The following TENM3 variants were observed in gnomAD, a reference collection of about 807,000 sequenced individuals.
TENM3 encodes the protein teneurin transmembrane protein 3.
Under a neutral mutation model 255.1 loss-of-function variants are expected in TENM3, and 63 were observed. The observed-to-expected ratio is 0.25, with a 90% CI of 0.20 to 0.30. The LOEUF is 0.30. Among genes scored for constraint, TENM3 ranks in the 10% least tolerant of loss-of-function variants. The pLI is 1.00. For missense variants in TENM3, 2,929 were observed against 3,461.1 expected (o/e 0.85, Z 3.86); for synonymous variants, 1,306 against 1,322.3 (o/e 0.99, Z 0.27).
chr4:181,514,810 C>T, the TENM3 span, among the ~76,000 whole-genome samples: 3 of 152,242 alleles, frequency 2.0e-5, no homozygotes, highest in Admixed American at 1.3e-4. Context: ...AAACCTGAGG[C>T]GTGGTAGCCA....
intron 3 of TENM3, among the ~76,000 whole-genome samples, chr4:182,538,753 A>G (rs1018717393): frequency 6.6e-6 from 1 of 152,176 alleles, no homozygotes; most frequent in African/African-American, 2.4e-5. Flanking sequence ...GAATACTAAT[A>G]TAGTATGGAT....
intron 4 of TENM3, among the ~76,000 whole-genome samples, chr4:182,609,404 C>A (rs760788117): frequency 5.3e-5 from 8 of 152,168 alleles, no homozygotes; most frequent in Non-Finnish European, 1.0e-4. Context: ...TTCTTCTCCA[C>A]TAATTTCAAA....
chr4:181,931,236 C>T, the TENM3 span, among the ~76,000 whole-genome samples: 1 of 152,158 alleles, frequency 6.6e-6, no homozygotes, highest in South Asian at 2.1e-4. Flanking sequence ...TTTCTGTTTG[C>T]AGATGACATA....
At chr4:181,773,974 T>C in the TENM3 span, among the ~76,000 whole-genome samples, 39 of 151,100 alleles carry the variant, frequency 2.6e-4, no homozygotes, top group Non-Finnish European at 2.8e-4. Flanking sequence ...ACTTGTTAAT[T>C]TGATTATCAG....
At chr4:181,762,924 A>AG in the TENM3 span, among the ~76,000 whole-genome samples, 3 of 151,950 alleles carry the variant, frequency 2.0e-5, no homozygotes, top group Non-Finnish European at 4.4e-5. Flanking sequence ...GTAGTAAAAA[A>AG]AAAACGAGAT....
At chr4:182,113,065 T>C in the TENM3 span, among the ~76,000 whole-genome samples, 2,512 of 152,316 alleles carry the variant, frequency 0.016, 60 homozygotes, top group East Asian at 0.052. Flanking sequence ...ACTGGTATTC[T>C]GAAGGTTAAG....
intron 3 of TENM3, among the ~76,000 whole-genome samples, chr4:182,560,097 A>T (rs946428777): frequency 2.5e-4 from 37 of 149,550 alleles, no homozygotes; most frequent in Admixed American, 1.1e-3. Flanking sequence ...TTTTTTTTTA[A>T]AAAAAGAGTA....
chr4:182,671,120 A>G (rs1367225712), intron 6 of TENM3, among the ~76,000 whole-genome samples: 14 of 152,052 alleles, frequency 9.2e-5, no homozygotes, highest in Admixed American at 9.2e-4. Context: ...CGACAAACCC[A>G]TTCAGTACCT....
chr4:182,519,441 C>T (rs752012755), intron 3 of TENM3, among the ~76,000 whole-genome samples: 19 of 152,134 alleles, frequency 1.2e-4, no homozygotes, highest in African/African-American at 4.3e-4. Flanking sequence ...CATATACTCC[C>T]GTTCTGTTAT....
At chr4:182,487,147 G>A (rs1332454669) in intron 3 of TENM3, among the ~76,000 whole-genome samples, 2 of 152,102 alleles carry the variant, frequency 1.3e-5, no homozygotes, top group African/African-American at 2.4e-5. Flanking sequence ...ACCAGAGTGT[G>A]GGATACAATG....
the TENM3 span, among the ~76,000 whole-genome samples, chr4:181,678,928 A>G: frequency 6.6e-6 from 1 of 151,960 alleles, no homozygotes; most frequent in African/African-American, 2.4e-5. Context: ...TGATGATAAT[A>G]CAAATTAATT....
the TENM3 span, among the ~76,000 whole-genome samples, chr4:181,847,769 T>C: frequency 1.3e-5 from 2 of 152,028 alleles, no homozygotes; most frequent in African/African-American, 4.8e-5. Flanking sequence ...TGATTAAGAA[T>C]ATTAACTTTC....
At chr4:182,795,053 G>A (rs1010718425) in intron 26 of TENM3, among the ~76,000 whole-genome samples, 1 of 152,038 alleles carries the variant, frequency 6.6e-6, no homozygotes, top group South Asian at 2.1e-4. Flanking sequence ...GGCATACTGA[G>A]ATGTCTGTTC....
the TENM3 span, among the ~76,000 whole-genome samples, chr4:181,595,430 CAAA>C: frequency 2.4e-5 from 1 of 41,856 alleles, no homozygotes; most frequent in African/African-American, 8.7e-5. Flanking sequence ...GACTCCATCC[CAAA>C]AAAAAAAAAA....
At chr4:182,014,386 C>T in the TENM3 span, among the ~76,000 whole-genome samples, 1 of 152,054 alleles carries the variant, frequency 6.6e-6, no homozygotes, top group African/African-American at 2.4e-5. Flanking sequence ...TCCCAAAACA[C>T]CTAGACTAGA....
chr4:182,346,145 C>T (rs558051861), intron 2 of TENM3, among the ~76,000 whole-genome samples: 29 of 151,702 alleles, frequency 1.9e-4, no homozygotes, highest in African/African-American at 4.1e-4. Flanking sequence ...TAAGTCAAGG[C>T]GGAAAAATAT....
At chr4:181,932,042 A>C in the TENM3 span, among the ~76,000 whole-genome samples, 1 of 152,280 alleles carries the variant, frequency 6.6e-6, no homozygotes, top group South Asian at 2.1e-4. Flanking sequence ...ACTTAAACAT[A>C]AAACCTAAAA....
intron 1 of TENM3, among the ~76,000 whole-genome samples, chr4:182,178,561 G>A (rs570112986): frequency 2.9e-4 from 44 of 152,218 alleles, no homozygotes; most frequent in East Asian, 2.3e-3. Context: ...GTTTTAGGTC[G>A]TGTAATTTCT....
the TENM3 span, among the ~76,000 whole-genome samples, chr4:181,540,219 G>T: frequency 6.6e-6 from 1 of 152,120 alleles, no homozygotes; most frequent in Non-Finnish European, 1.5e-5. Context: ...AGCAATTGGA[G>T]CAACGAATTA....
Sources: gnomAD v4.1 joint callset for allele counts (sites outside exome capture counted in the v4.1 genomes callset) on GRCh38, gnomAD v4.1.1 for gene constraint, MANE v1.5 for transcripts, NCBI Gene and HGNC (gene_info 2026-07-23, HGNC 2026-07-21) for gene names.